CA8: variants seen among roughly 807,000 people sequenced by gnomAD.
CA8 encodes carbonic anhydrase-related protein.
Under a neutral mutation model 41.4 loss-of-function variants are expected in CA8, and 22 were observed. The ratio of observed to expected loss-of-function variants is 0.53; its 90% CI spans 0.38 to 0.76. CA8 has a LOEUF of 0.76. Among genes scored for constraint, CA8 ranks in the 30% least tolerant of loss-of-function variants. CA8 has a pLI of 0.00. For missense variants in CA8, 270 were observed against 352.8 expected (o/e 0.77, Z 1.88); for synonymous variants, 121 against 130.6 (o/e 0.93, Z 0.50).
At chr8:60,236,322 C>T (rs1807828884) in intron 3 of CA8, among the ~76,000 whole-genome samples, 1 of 152,154 alleles carries the variant, frequency 6.6e-6, no homozygotes, top group Non-Finnish European at 1.5e-5. Flanking sequence ...CATGAATTTC[C>T]AGCTTTTGGC....
intron 7 of CA8, among the ~76,000 whole-genome samples, chr8:60,210,311 A>C (rs1806788412): frequency 6.6e-6 from 1 of 152,234 alleles, no homozygotes; most frequent in Non-Finnish European, 1.5e-5. Context: ...TATATCCACA[A>C]AGATCCTTAA....
intron 3 of CA8, among the ~76,000 whole-genome samples, chr8:60,255,213 A>C (rs1399695888): frequency 6.6e-6 from 1 of 152,146 alleles, no homozygotes; most frequent in African/African-American, 2.4e-5. Context: ...CTTAGGGAGC[A>C]GACTCATAAA....
chr8:60,275,521 CAA>C (rs1563386563), intron 2 of CA8, among the ~76,000 whole-genome samples: 1 of 146,968 alleles, frequency 6.8e-6, no homozygotes, highest in Non-Finnish European at 1.5e-5. Context: ...AAATTAAAAA[CAA>C]GAAAGCAGAA....
At position 60,264,632 on chromosome 8, in the gene CA8, G is replaced by A. The variant is rs372531025; in HGVS notation, c.417+1293C>T. Among the ~76,000 whole-genome samples, 7 of 152,294 alleles carry A rather than the reference G, an allele frequency of 4.6e-5. No homozygotes were observed. The South Asian group carries it at 6.2e-4, about 14-fold the overall frequency. On this transcript the variant is annotated intron_variant, in intron 3 of 8. Coordinates refer to ENST00000317995, the MANE Select transcript of CA8 (RefSeq NM_004056.6). ...GCTCCTAGACAGGTAAGCTCTGGGG[G>A]CCTTCCCCATCAAGGCCTTTGAGAA...
chr8:60,245,902 G>C (rs1345912237), intron 3 of CA8, among the ~76,000 whole-genome samples: 1 of 152,220 alleles, frequency 6.6e-6, no homozygotes, highest in Non-Finnish European at 1.5e-5. Context: ...GCTGGGTGCA[G>C]CCGGGGTGGG....
intron 8 of CA8, among the ~76,000 whole-genome samples, chr8:60,195,310 A>G (rs1806250506): frequency 6.6e-6 from 1 of 152,206 alleles, no homozygotes; most frequent in Admixed American, 6.6e-5. Context: ...ATCTTTTATG[A>G]AGAGGCCCAA....
intron 6 of CA8, 119 bp from the exon 7 acceptor site, chr8:60,222,880 C>T (rs978589736): frequency 7.0e-6 from 5 of 716,892 alleles, no homozygotes; most frequent in Non-Finnish European, 1.3e-5. Context: ...AGATGGATGT[C>T]ATTTTTAAAC....
At chr8:60,258,119 C>T (rs1803610673) in intron 3 of CA8, among the ~76,000 whole-genome samples, 2 of 152,216 alleles carry the variant, frequency 1.3e-5, no homozygotes, top group Non-Finnish European at 2.9e-5. Flanking sequence ...ACTGTACACG[C>T]TCCCTGCCCA....
At chr8:60,210,976 T>C (rs1459301437) in intron 7 of CA8, among the ~76,000 whole-genome samples, 1 of 152,190 alleles carries the variant, frequency 6.6e-6, no homozygotes, top group East Asian at 1.9e-4. Flanking sequence ...AAAAGGAACC[T>C]GGTCAGTGAG....
intron 2 of CA8, among the ~76,000 whole-genome samples, chr8:60,272,401 AG>A (rs1194974497): frequency 1.3e-5 from 2 of 151,944 alleles, no homozygotes; most frequent in South Asian, 2.1e-4. Flanking sequence ...AAAAAAAAAA[AG>A]AAAGGTTCTA....
At chr8:60,257,784 T>C (rs1169683697) in intron 3 of CA8, among the ~76,000 whole-genome samples, 1 of 152,222 alleles carries the variant, frequency 6.6e-6, no homozygotes, top group Non-Finnish European at 1.5e-5. Context: ...TTGATAAATA[T>C]TTTGTGTGGT....
chr8:60,252,555 AT>A (rs1358500286), intron 3 of CA8, among the ~76,000 whole-genome samples: 3 of 152,214 alleles, frequency 2.0e-5, no homozygotes, highest in Non-Finnish European at 4.4e-5. Context: ...TAGGACTCAA[AT>A]TATACAAAGC....
At chr8:60,274,318 C>A (rs1453902074) in intron 2 of CA8, among the ~76,000 whole-genome samples, 3 of 152,046 alleles carry the variant, frequency 2.0e-5, no homozygotes, top group African/African-American at 7.2e-5. Flanking sequence ...GACTGGAGAA[C>A]AAGAGCAAAA....
At chr8:60,240,632 C>T (rs537398346) in intron 3 of CA8, among the ~76,000 whole-genome samples, 30 of 152,126 alleles carry the variant, frequency 2.0e-4, no homozygotes, top group Non-Finnish European at 4.0e-4. Context: ...TTCCTCTGAG[C>T]CAGGACACTA....
At chr8:60,225,640 A>G (rs971279948) in intron 5 of CA8, among the ~76,000 whole-genome samples, 2 of 152,198 alleles carry the variant, frequency 1.3e-5, no homozygotes, top group African/African-American at 4.8e-5. Context: ...TGCTAGTATA[A>G]AGCTAATCAA....
At chr8:60,260,465 A>C (rs552324928) in intron 3 of CA8, among the ~76,000 whole-genome samples, 1 of 152,222 alleles carries the variant, frequency 6.6e-6, no homozygotes, top group Non-Finnish European at 1.5e-5. Flanking sequence ...ACAGACATCA[A>C]AACTCCTTAT....
At chr8:60,221,172 C>T (rs1807231836) in intron 7 of CA8, among the ~76,000 whole-genome samples, 1 of 152,226 alleles carries the variant, frequency 6.6e-6, no homozygotes, top group Non-Finnish European at 1.5e-5. Flanking sequence ...AAATTTCTAA[C>T]TTCTTTCCTG....
intron 3 of CA8, among the ~76,000 whole-genome samples, chr8:60,256,323 T>C (rs534597683): frequency 6.6e-6 from 1 of 152,330 alleles, no homozygotes; most frequent in Admixed American, 6.5e-5. Context: ...ACAAATGTCA[T>C]TGTGAACTGC....
intron 3 of CA8, among the ~76,000 whole-genome samples, chr8:60,235,982 A>G (rs1209350643): frequency 3.3e-5 from 5 of 152,204 alleles, no homozygotes; most frequent in Admixed American, 6.5e-5. Context: ...GGATACCACA[A>G]AAGTCCCAGC....
Sources: allele counts gnomAD v4.1 joint callset (sites outside exome capture counted in the v4.1 genomes callset), GRCh38; gene constraint gnomAD v4.1.1; transcripts MANE v1.5; gene names NCBI Gene and HGNC (gene_info 2026-07-23, HGNC 2026-07-21).